The following CASK variants were observed in gnomAD, a reference collection of about 807,000 sequenced individuals.
CASK encodes the protein peripheral plasma membrane protein CASK.
Under a neutral mutation model 82.9 loss-of-function variants are expected in CASK, and 4 were observed. The observed-to-expected ratio is 0.05, with a 90% CI of 0.02 to 0.11. The LOEUF (loss-of-function observed/expected upper bound fraction) is 0.11. Ranked by LOEUF, CASK falls within the 10% of genes least tolerant of loss-of-function variation. The probability of loss-of-function intolerance (pLI) is 1.00; values close to 1 mark genes in which losing one functional copy is unlikely to be tolerated. For synonymous variants in CASK, 259 were observed against 253.5 expected (o/e 1.02, Z -0.20); for missense variants, 358 against 720.9 (o/e 0.50, Z 5.76).
intron 1 of CASK, among the ~76,000 whole-genome samples, chrX:41,883,924 C>G (rs2071997280): frequency 8.9e-6 from 1 of 112,027 alleles, no homozygotes; most frequent in African/African-American, 3.2e-5. Context: ...CTGTCCATTT[C>G]AGTAACCATA....
chrX:41,767,376 T>C (rs1209078020), intron 3 of CASK, among the ~76,000 whole-genome samples: 3 of 111,917 alleles, frequency 2.7e-5, no homozygotes, highest in Admixed American at 9.5e-5. Flanking sequence ...CCCCTGCATA[T>C]ATACTGAGGA....
chrX:41,624,803 C>T (rs2066338588), intron 10 of CASK, among the ~76,000 whole-genome samples: 1 of 111,567 alleles, frequency 9.0e-6, no homozygotes, highest in Non-Finnish European at 1.9e-5. Flanking sequence ...GAAGCATTAG[C>T]ACATTAATTC....
chrX:41,567,336 C>T (rs1303609947), intron 16 of CASK, among the ~76,000 whole-genome samples: 1 of 111,546 alleles, frequency 9.0e-6, no homozygotes, highest in Middle Eastern at 4.6e-3. Context: ...TGCAATCTAC[C>T]CATCTGACAA....
intron 8 of CASK, among the ~76,000 whole-genome samples, chrX:41,644,975 C>T (rs761684477): frequency 8.1e-5 from 9 of 111,660 alleles, no homozygotes; most frequent in African/African-American, 2.3e-4. Context: ...ATTTTAAATT[C>T]GCCTCAGTCC....
intron 1 of CASK, among the ~76,000 whole-genome samples, chrX:41,905,060 C>T (rs1273608231): frequency 2.7e-5 from 3 of 111,765 alleles, no homozygotes; most frequent in South Asian, 3.7e-4. Flanking sequence ...CATACACATG[C>T]GTCTTTATCT....
intron 2 of CASK, among the ~76,000 whole-genome samples, chrX:41,820,548 G>A (rs774285296): frequency 4.1e-4 from 46 of 111,028 alleles, no homozygotes; most frequent in Non-Finnish European, 8.1e-4. Context: ...TCATGGATTG[G>A]AGGACTCAAT....
intron 11 of CASK, among the ~76,000 whole-genome samples, chrX:41,612,377 C>T (rs1385821669): frequency 1.9e-5 from 2 of 104,137 alleles, no homozygotes; most frequent in African/African-American, 3.5e-5. Flanking sequence ...GGAGACCCTC[C>T]GCCCGGCAAC....
At chrX:41,578,232 C>G in intron 15 of CASK, 108 bp downstream of exon 15, 1 of 531,027 alleles carries the variant, frequency 1.9e-6, no homozygotes, top group Non-Finnish European at 3.2e-6. Flanking sequence ...TTAAAACTAT[C>G]CATGTCTTCC....
chrX:41,633,138 A>G (rs17326037), intron 9 of CASK, among the ~76,000 whole-genome samples: 5,169 of 110,378 alleles, frequency 0.047, 120 homozygotes, highest in Non-Finnish European at 0.066. Flanking sequence ...AAATGATTTT[A>G]TCCTCTTAAC....
At chrX:41,888,799 G>GTA (rs1365719356) in intron 1 of CASK, among the ~76,000 whole-genome samples, 1 of 103,958 alleles carries the variant, frequency 9.6e-6, no homozygotes, top group Non-Finnish European at 1.9e-5. Context: ...GTATATATAT[G>GTA]TATATATACA....
intron 3 of CASK, among the ~76,000 whole-genome samples, chrX:41,783,927 T>C (rs2069532216): frequency 1.8e-5 from 2 of 112,095 alleles, no homozygotes; most frequent in African/African-American, 6.5e-5. Context: ...ATGAAACGAA[T>C]ACATTCGTGG....
chrX:41,695,696 C>T (rs1452220149), intron 5 of CASK: 1 of 1,203,133 alleles, frequency 8.3e-7, no homozygotes, highest in African/African-American at 1.8e-5. Flanking sequence ...ACTCCTCCCA[C>T]AGAATGCGCT....
chrX:41,755,778 A>G (rs1602576555), intron 3 of CASK, among the ~76,000 whole-genome samples: 1 of 112,507 alleles, frequency 8.9e-6, no homozygotes, highest in Non-Finnish European at 1.9e-5. Flanking sequence ...ATTGTAAGTT[A>G]TATGAAATTT....
At chrX:41,561,758 T>A (rs968317539) in intron 16 of CASK, 114 bp from the exon 17 acceptor site, 8 of 575,259 alleles carry the variant, frequency 1.4e-5, no homozygotes, top group Non-Finnish European at 2.0e-5. Context: ...GGGCCAATAT[T>A]TCAGAGGCAG....
intron 13 of CASK, chrX:41,587,276 A>C: frequency 5.3e-6 from 1 of 189,707 alleles, no homozygotes; most frequent in Non-Finnish European, 9.7e-6. Context: ...AGATTTATGA[A>C]ACTTAACGGA....
chrX:41,623,457 C>T (rs757348865), intron 10 of CASK, among the ~76,000 whole-genome samples: 55 of 111,897 alleles, frequency 4.9e-4, no homozygotes, highest in Non-Finnish European at 9.0e-4. Flanking sequence ...GAGTCTTGCT[C>T]TGTCACCCAG....
chrX:41,711,676 C>A (rs908877204), intron 5 of CASK, among the ~76,000 whole-genome samples: 6 of 111,212 alleles, frequency 5.4e-5, no homozygotes, highest in Admixed American at 9.6e-5. Context: ...TATACCTACC[C>A]TTCCCTAATT....
intron 5 of CASK, among the ~76,000 whole-genome samples, chrX:41,735,668 T>G (rs1387239913): frequency 9.1e-6 from 1 of 110,065 alleles, no homozygotes; most frequent in Non-Finnish European, 1.9e-5. Context: ...ACATTTTGCC[T>G]CAGCCACACC....
At chrX:41,809,156 T>G (rs2070211259) in intron 2 of CASK, among the ~76,000 whole-genome samples, 1 of 112,395 alleles carries the variant, frequency 8.9e-6, no homozygotes, top group East Asian at 2.8e-4. Context: ...AGACTCCACC[T>G]CTGGGGGCAG....
Sources: allele counts gnomAD v4.1 joint callset (sites outside exome capture counted in the v4.1 genomes callset), GRCh38; gene constraint gnomAD v4.1.1; transcripts MANE v1.5; gene names NCBI Gene and HGNC (gene_info 2026-07-23, HGNC 2026-07-21).